Variants in LURAP1L observed in about 807,000 individuals in gnomAD.
The protein encoded by LURAP1L is leucine rich adaptor protein 1-like.
A neutral mutation model predicts 13.8 loss-of-function variants in LURAP1L; 12 were observed. That is an observed-to-expected ratio of 0.87 (90% CI 0.56 to 1.41). LURAP1L has a LOEUF of 1.41. Among genes scored for constraint, LURAP1L ranks in the 40% most tolerant of loss-of-function variants. The pLI is 0.00. For synonymous variants in LURAP1L, 139 were observed against 119.2 expected, an observed-to-expected ratio of 1.17 and a Z score of -1.08; for missense variants, 375 against 292.9, an observed-to-expected ratio of 1.28 and a Z score of -2.04.
At chr9:12,777,642 C>T (rs1485808801) in intron 1 of LURAP1L, 27 of 897,296 alleles carry the variant, frequency 3.0e-5, no homozygotes, top group Non-Finnish European at 3.6e-5. Context: ...GCTGGACACT[C>T]AGACACAATT....
At chr9:12,780,573 A>T (rs1563885602) in intron 1 of LURAP1L, among the ~76,000 whole-genome samples, 1 of 152,134 alleles carries the variant, frequency 6.6e-6, no homozygotes. Flanking sequence ...TTCAAACAAG[A>T]ACCACTGTGA....
chr9:12,777,292 G>A, intron 1 of LURAP1L: 1 of 985,314 alleles, frequency 1.0e-6, no homozygotes, highest in South Asian at 4.7e-5. Context: ...TAGATGAAAA[G>A]ATAAAATGGA....
chr9:12,804,375 C>T (rs557204816), intron 1 of LURAP1L, among the ~76,000 whole-genome samples: 3 of 141,100 alleles, frequency 2.1e-5, no homozygotes, highest in Non-Finnish European at 4.5e-5. Flanking sequence ...GACAAAGTCT[C>T]GCTGTGTCAG....
intron 1 of LURAP1L, among the ~76,000 whole-genome samples, chr9:12,790,362 T>C (rs1234925386): frequency 6.6e-6 from 1 of 152,168 alleles, no homozygotes. Context: ...GACTAAGCAT[T>C]TATTTAATTA....
chr9:12,821,317 C>T, intron 1 of LURAP1L, 69 bp from the exon 2 acceptor site: 5 of 1,505,956 alleles, frequency 3.3e-6, no homozygotes, highest in African/African-American at 1.4e-5. Context: ...CAGACAGTCC[C>T]CAGATGAATT....
intron 1 of LURAP1L, chr9:12,790,785 G>T (rs1819430573): frequency 6.8e-6 from 1 of 146,998 alleles, no homozygotes; most frequent in Admixed American, 6.8e-5. Context: ...CAAAGAATAT[G>T]TACATGTTAG....
At chr9:12,791,129 C>T (rs1269517998) in intron 1 of LURAP1L, among the ~76,000 whole-genome samples, 1 of 151,920 alleles carries the variant, frequency 6.6e-6, no homozygotes, top group African/African-American at 2.4e-5. Context: ...TAGTGAGCAT[C>T]GTATCAGCAG....
Position 12,785,502 on chromosome 9 carries a change from G to C in LURAP1L, c.312+9475G>C, listed in dbSNP as rs1586875954. Reference sequence around the variant, plus strand: ...TTATTTATGACCCCAGAGCACTTTAGCCTGCAGTGTTGATGCTAGTCAGAA... The same window carrying C: ...TTATTTATGACCCCAGAGCACTTTACCCTGCAGTGTTGATGCTAGTCAGAA... On this transcript the variant is annotated intron_variant, in intron 1 of 1. Coordinates refer to ENST00000319264, the MANE Select transcript of LURAP1L (RefSeq NM_203403.2). 3.3e-5 allele frequency among the ~76,000 whole-genome samples: 5 copies of C among 152,248 alleles called. No homozygotes were observed. The Middle Eastern group carries it at 0.017, about 518-fold the overall frequency.
At chr9:12,820,528 GA>G (rs1819862296) in intron 1 of LURAP1L, among the ~76,000 whole-genome samples, 2 of 96,936 alleles carry the variant, frequency 2.1e-5, no homozygotes, top group African/African-American at 8.0e-5. Flanking sequence ...AAAAAAAAAG[GA>G]CCACACACCT....
chr9:12,799,677 G>A (rs1055164761), intron 1 of LURAP1L, among the ~76,000 whole-genome samples: 14 of 152,112 alleles, frequency 9.2e-5, no homozygotes, highest in East Asian at 3.9e-4. Flanking sequence ...TCAGGAGATC[G>A]AGACCACTGT....
rs1819882966 is a variant in LURAP1L, at chr9:12,821,689, T to G, written c.616T>G (p.Ser206Ala). Reference sequence around the variant, plus strand: ...AGACTTGGACCAATTCAGTGACAGCTCCCTCATAGAGGACTCACAGGCACT... The same window carrying G: ...AGACTTGGACCAATTCAGTGACAGCGCCCTCATAGAGGACTCACAGGCACT... ...PSDLDQFSDS[S>A]LIEDSQALHK... is the part of the protein sequence containing the mutation. Residue 206 changes from serine to alanine, a missense_variant, in exon 2 of 2, where the codon TCC becomes GCC. Coordinates refer to ENST00000319264, the MANE Select transcript of LURAP1L (RefSeq NM_203403.2). 1 of 1,614,012 alleles carries G rather than the reference T, an allele frequency of 6.2e-7. No homozygotes were observed. The highest frequency in any genetic ancestry group is 1.3e-5 in the African/African-American group (1 of 74,916).
chr9:12,819,945 CTG>C (rs1322996471), intron 1 of LURAP1L, among the ~76,000 whole-genome samples: 1 of 152,004 alleles, frequency 6.6e-6, no homozygotes, highest in African/African-American at 2.4e-5. Flanking sequence ...TAGAGTGAGA[CTG>C]TCTCAAAAAA....
chr9:12,810,525 G>T lies in LURAP1L; in HGVS notation c.313-10861G>T, dbSNP rs114653879. ...TTCTTAGCCCTTCACATATCAGACT[G>T]GAACCATAATGAGAATAATAATCAG... On this transcript the variant is annotated intron_variant, in intron 1 of 1. Transcript: ENST00000319264. Among the ~76,000 whole-genome samples, 1,356 of 152,186 alleles carry T rather than the reference G, an allele frequency of 8.9e-3. 21 individuals carry two copies. Among genetic ancestry groups the T allele is most frequent in the African/African-American group, 0.032 (1,308 of 41,502 alleles).
intron 1 of LURAP1L, among the ~76,000 whole-genome samples, chr9:12,785,683 T>C (rs1361206699): frequency 6.6e-6 from 1 of 152,122 alleles, no homozygotes; most frequent in Non-Finnish European, 1.5e-5. Context: ...CACTGTATTC[T>C]CCCTCCCTCA....
rs919299802 is a variant in LURAP1L at position 12,775,472 on chromosome 9, T to C, written c.-244T>C. On this transcript the variant is annotated 5_prime_UTR_variant, in exon 1 of 2. Transcript: ENST00000319264. ...CAAAAAGAGAGAGAATGAGGAGATC[T>C]TGATCATCTTAGTGTCGGAGGAGTC... 4 of 483,154 alleles carry C rather than the reference T, an allele frequency of 8.3e-6. No homozygotes were observed. Among genetic ancestry groups the C allele is most frequent in the Non-Finnish European group, 1.4e-5 (4 of 285,468 alleles). 29.9% of individuals were successfully genotyped at this position (483,154 alleles called of 1,614,324 possible). A position where few individuals can be genotyped will look rare whatever the true frequency, so the allele number is the denominator to read the frequency against.
chr9:12,804,515 G>C (rs150140673), intron 1 of LURAP1L, among the ~76,000 whole-genome samples: 9 of 151,914 alleles, frequency 5.9e-5, no homozygotes, highest in African/African-American at 2.2e-4. Context: ...GCTAATTTTT[G>C]TGTTTTTAGT....
At chr9:12,790,826 G>A (rs1819431003) in intron 1 of LURAP1L, 2 of 150,762 alleles carry the variant, frequency 1.3e-5, no homozygotes, top group African/African-American at 4.9e-5. Flanking sequence ...TATACTAAAT[G>A]AGGTTTTGAA....
intron 1 of LURAP1L, among the ~76,000 whole-genome samples, chr9:12,785,930 A>G (rs1819344257): frequency 6.6e-6 from 1 of 152,096 alleles, no homozygotes; most frequent in Admixed American, 6.6e-5. Context: ...GGAGGGTTCT[A>G]TTCAGCCGTC....
At chr9:12,793,559 C>T (rs1819472983) in intron 1 of LURAP1L, among the ~76,000 whole-genome samples, 1 of 151,992 alleles carries the variant, frequency 6.6e-6, no homozygotes, top group African/African-American at 2.4e-5. Context: ...TTATAAGAGA[C>T]TAATTTTGTA....
Sources: gnomAD v4.1 joint callset for allele counts (sites outside exome capture counted in the v4.1 genomes callset) on GRCh38, gnomAD v4.1.1 for gene constraint, MANE v1.5 for transcripts, NCBI Gene and HGNC (gene_info 2026-07-23, HGNC 2026-07-21) for gene names.